LARGE1: variants seen among roughly 807,000 people sequenced by gnomAD.
The protein encoded by LARGE1 is LARGE xylosyl- and glucuronyltransferase 1, also known as xylosyl- and glucuronyltransferase LARGE1.
In LARGE1, 43 loss-of-function variants were observed where a neutral mutation model predicts 87.6. That is an observed-to-expected ratio of 0.49 (90% CI 0.38 to 0.63). LARGE1 has a LOEUF of 0.63. LARGE1 is among the 30% of genes least tolerant of loss of function. The probability of loss-of-function intolerance (pLI) is 0.00; values close to 1 mark genes in which losing one functional copy is unlikely to be tolerated. For synonymous variants in LARGE1, 434 were observed against 394.6 expected (o/e 1.10, Z -1.18); for missense variants, 802 against 1,000.2 (o/e 0.80, Z 2.67).
the LARGE1 span, among the ~76,000 whole-genome samples, chr22:33,121,309 G>A: frequency 4.6e-5 from 7 of 152,290 alleles, no homozygotes; most frequent in Middle Eastern, 6.8e-3. Flanking sequence ...TTGAGCCTTT[G>A]AGCTAGAACA....
At chr22:33,889,560 T>C (rs1819745918) in intron 1 of LARGE1, among the ~76,000 whole-genome samples, 1 of 152,226 alleles carries the variant, frequency 6.6e-6, no homozygotes, top group Admixed American at 6.5e-5. Context: ...ATAGGGACTC[T>C]GTTCAATCAA....
At chr22:33,628,312 T>C (rs569076020) in intron 3 of LARGE1, among the ~76,000 whole-genome samples, 61 of 116,216 alleles carry the variant, frequency 5.2e-4, no homozygotes, top group South Asian at 1.5e-3. Context: ...AAACAGACTG[T>C]TTTTGCTTTT....
At chr22:33,636,520 A>G (rs2080271691) in intron 3 of LARGE1, among the ~76,000 whole-genome samples, 1 of 152,128 alleles carries the variant, frequency 6.6e-6, no homozygotes, top group Non-Finnish European at 1.5e-5. Context: ...ATCTATAAAG[A>G]GGAGTAATAA....
At chr22:33,721,608 T>C (rs1275372740) in intron 2 of LARGE1, among the ~76,000 whole-genome samples, 2 of 152,220 alleles carry the variant, frequency 1.3e-5, no homozygotes, top group Admixed American at 6.5e-5. Context: ...GGCAAATCCA[T>C]GCCCCCAACT....
chr22:33,247,594 T>C (rs1285766145), intron 11 of LARGE1, among the ~76,000 whole-genome samples: 2 of 152,264 alleles, frequency 1.3e-5, no homozygotes, highest in African/African-American at 4.8e-5. Flanking sequence ...GCTAAAACGT[T>C]GCATGTTCTG....
the LARGE1 span, among the ~76,000 whole-genome samples, chr22:33,074,226 G>A: frequency 6.6e-5 from 10 of 151,968 alleles, no homozygotes; most frequent in Non-Finnish European, 1.2e-4. Flanking sequence ...TACCGGGACC[G>A]CTTCCCACAT....
chr22:33,915,042 C>CACACACAG (rs144076486), intron 1 of LARGE1, among the ~76,000 whole-genome samples: 50 of 137,088 alleles, frequency 3.6e-4, no homozygotes, highest in East Asian at 4.5e-4. Context: ...CACACACACA[C>CACACACAG]AGAGAGAGAG....
At chr22:33,602,752 T>A (rs542600603) in intron 5 of LARGE1, among the ~76,000 whole-genome samples, 33 of 152,146 alleles carry the variant, frequency 2.2e-4, no homozygotes, top group Non-Finnish European at 4.6e-4. Context: ...GCTCAAGTGA[T>A]CCTCCCCACC....
intron 12 of LARGE1, among the ~76,000 whole-genome samples, chr22:33,295,352 G>A (rs1369307184): frequency 6.6e-6 from 1 of 152,258 alleles, no homozygotes; most frequent in African/African-American, 2.4e-5. Flanking sequence ...GCACACATGT[G>A]TGTGTACATG....
intron 9 of LARGE1, among the ~76,000 whole-genome samples, chr22:33,364,193 T>C (rs1026975058): frequency 6.6e-6 from 1 of 152,154 alleles, no homozygotes; most frequent in African/African-American, 2.4e-5. Context: ...TAGCTGGGAC[T>C]ACAGGCGCCC....
At chr22:33,198,578 T>A (rs1381878526) in intron 11 of LARGE1, among the ~76,000 whole-genome samples, 1 of 129,512 alleles carries the variant, frequency 7.7e-6, no homozygotes, top group African/African-American at 3.0e-5. Flanking sequence ...AGTAGGTGAT[T>A]TTTCAACCCT....
chr22:33,669,311 T>C (rs1008702915), intron 2 of LARGE1, among the ~76,000 whole-genome samples: 6 of 152,192 alleles, frequency 3.9e-5, no homozygotes, highest in Non-Finnish European at 8.8e-5. Flanking sequence ...TCTCCTTAAG[T>C]GGAGATGCAC....
At chr22:33,289,819 C>T (rs1217887305) in intron 12 of LARGE1, among the ~76,000 whole-genome samples, 5 of 152,090 alleles carry the variant, frequency 3.3e-5, no homozygotes, top group African/African-American at 1.2e-4. Flanking sequence ...CTCCAAAGCC[C>T]CCCACAGCCT....
chr22:33,295,453 T>C (rs996375019), intron 12 of LARGE1, among the ~76,000 whole-genome samples: 1 of 152,212 alleles, frequency 6.6e-6, no homozygotes, highest in East Asian at 1.9e-4. Flanking sequence ...CTAGCTTCAA[T>C]AGTGCTAGAC....
chr22:33,358,638 G>A (rs1483972666), intron 9 of LARGE1, among the ~76,000 whole-genome samples: 1 of 151,962 alleles, frequency 6.6e-6, no homozygotes, highest in East Asian at 1.9e-4. Context: ...TCTTTTAGGT[G>A]TACTCAATTA....
At position 33,626,300 on chromosome 22, in the gene LARGE1, G is replaced by A. The variant is rs86487; in HGVS notation, c.435C>T (p.Ala145=). 0.48 allele frequency: 780,548 copies of A among 1,612,472 alleles called. 194,473 individuals carry two copies. Among genetic ancestry groups the A allele is most frequent in the East Asian group, 0.59 (26,621 of 44,840 alleles). Residue 145 remains alanine (A), a synonymous_variant, in exon 4 of 15, where the codon GCC becomes GCT. Coordinates refer to ENST00000397394, the MANE Select transcript of LARGE1 (RefSeq NM_133642.5). ...CGACATCCCGGCTGGCATTGTATCC[G>A]GCGCAGACAATAGCAACGTGGATTG... ...CETIHVAIVC[A]GYNASRDVVT...
intron 6 of LARGE1, among the ~76,000 whole-genome samples, chr22:33,533,727 C>G (rs2076962433): frequency 1.3e-5 from 2 of 152,138 alleles, no homozygotes; most frequent in Non-Finnish European, 2.9e-5. Context: ...ACTTCATCTT[C>G]TAATTTTTGA....
At chr22:33,246,429 T>C (rs909752961) in intron 11 of LARGE1, among the ~76,000 whole-genome samples, 5 of 152,196 alleles carry the variant, frequency 3.3e-5, no homozygotes, top group African/African-American at 1.2e-4. Context: ...ATGGATCACC[T>C]GAGGCCAGGA....
intron 3 of LARGE1, among the ~76,000 whole-genome samples, chr22:33,637,228 T>G (rs2080293740): frequency 6.6e-6 from 1 of 152,188 alleles, no homozygotes; most frequent in Non-Finnish European, 1.5e-5. Context: ...GGGCTGTGGC[T>G]GCAACTTTGT....
Sources: allele counts gnomAD v4.1 joint callset (sites outside exome capture counted in the v4.1 genomes callset), GRCh38; gene constraint gnomAD v4.1.1; transcripts MANE v1.5; gene names NCBI Gene and HGNC (gene_info 2026-07-23, HGNC 2026-07-21).